Variants in LRRC4C observed in about 807,000 individuals in gnomAD.
The protein encoded by LRRC4C is leucine rich repeat containing 4C, also known as leucine-rich repeat-containing protein 4C.
A neutral mutation model predicts 33.6 loss-of-function variants in LRRC4C; 5 were observed. The observed-to-expected ratio is 0.15, with a 90% confidence interval of 0.08 to 0.31. The LOEUF is 0.31. Ranked by LOEUF, LRRC4C falls within the 10% of genes least tolerant of loss-of-function variation. The pLI is 1.00. For synonymous variants in LRRC4C, 329 were observed against 302.0 expected (o/e 1.09, Z -0.93); for missense variants, 560 against 796.7 (o/e 0.70, Z 3.58).
intron 2 of LRRC4C, among the ~76,000 whole-genome samples, chr11:40,661,323 G>C (rs1024174892): frequency 2.0e-5 from 3 of 151,994 alleles, no homozygotes; most frequent in African/African-American, 7.2e-5. Flanking sequence ...ATTGTATTTA[G>C]CTGTTCAAGT....
chr11:41,265,031 T>C (rs1379830020), intron 1 of LRRC4C, among the ~76,000 whole-genome samples: 1 of 152,182 alleles, frequency 6.6e-6, no homozygotes, highest in Non-Finnish European at 1.5e-5. Context: ...GACTCTGCTA[T>C]TGATTTGTAA....
intron 1 of LRRC4C, among the ~76,000 whole-genome samples, chr11:40,963,262 A>G (rs1003062079): frequency 2.0e-5 from 3 of 151,808 alleles, no homozygotes; most frequent in Admixed American, 2.0e-4. Context: ...CAATGCTATT[A>G]CAGCGAACAT....
chr11:40,144,841 G>A (rs567919991), intron 5 of LRRC4C, among the ~76,000 whole-genome samples: 11 of 152,282 alleles, frequency 7.2e-5, no homozygotes, highest in African/African-American at 2.4e-4. Context: ...TTAACACAAG[G>A]TAAACAGGAG....
chr11:40,668,965 G>C (rs537824325), intron 2 of LRRC4C, among the ~76,000 whole-genome samples: 6 of 152,274 alleles, frequency 3.9e-5, no homozygotes, highest in African/African-American at 1.4e-4. Context: ...TTGATCCTTG[G>C]TTTGATGTTC....
At chr11:41,014,101 T>C (rs1382573747) in intron 1 of LRRC4C, among the ~76,000 whole-genome samples, 3 of 152,126 alleles carry the variant, frequency 2.0e-5, no homozygotes, top group Non-Finnish European at 4.4e-5. Flanking sequence ...GCTTCATCTA[T>C]GCATGGTGGA....
chr11:41,381,614 A>C (rs1220774916), intron 1 of LRRC4C, among the ~76,000 whole-genome samples: 1 of 136,348 alleles, frequency 7.3e-6, no homozygotes, highest in Non-Finnish European at 1.6e-5. Context: ...GCAACAGAGC[A>C]AGACTCTGCT....
intron 1 of LRRC4C, among the ~76,000 whole-genome samples, chr11:41,125,206 A>T (rs1046717227): frequency 6.6e-5 from 10 of 152,202 alleles, no homozygotes; most frequent in Non-Finnish European, 8.8e-5. Flanking sequence ...TGACAACCAG[A>T]AAGACCAGAT....
At chr11:41,070,480 A>AT (rs1318694480) in intron 1 of LRRC4C, among the ~76,000 whole-genome samples, 1 of 152,198 alleles carries the variant, frequency 6.6e-6, no homozygotes, top group African/African-American at 2.4e-5. Context: ...ATGAAAAGGC[A>AT]ATCTACAGAA....
intron 1 of LRRC4C, among the ~76,000 whole-genome samples, chr11:41,021,829 T>C (rs1246289626): frequency 6.6e-6 from 1 of 152,030 alleles, no homozygotes; most frequent in East Asian, 1.9e-4. Flanking sequence ...GAAGGTGTCA[T>C]ATCGTCATTA....
intron 1 of LRRC4C, among the ~76,000 whole-genome samples, chr11:41,085,801 T>A (rs1939930768): frequency 6.6e-6 from 1 of 151,936 alleles, no homozygotes; most frequent in Non-Finnish European, 1.5e-5. Flanking sequence ...GACATGAAAT[T>A]GAGCAGGCAA....
intron 1 of LRRC4C, among the ~76,000 whole-genome samples, chr11:41,056,207 T>A (rs1483784710): frequency 6.6e-6 from 1 of 152,166 alleles, no homozygotes; most frequent in Non-Finnish European, 1.5e-5. Flanking sequence ...CAATGCCCAA[T>A]TCATTAAGTC....
At position 40,763,113 on chromosome 11, in the gene LRRC4C, ATG is replaced by A. The variant is rs1298415875; in HGVS notation, c.-406-114837_-406-114836del. 1.3e-3 allele frequency among the ~76,000 whole-genome samples: 188 copies of A among 146,908 alleles called. 1 individual carries two copies. Among genetic ancestry groups the A allele is most frequent in the African/African-American group, 4.3e-3 (173 of 40,520 alleles). On this transcript the variant is annotated intron_variant, in intron 2 of 6. Transcript: ENST00000528697. ...TATATGTATATATATATATTTATGT[ATG>A]TGTGTGTATACATATATATACACTT...
At chr11:41,161,783 A>G (rs187429223) in intron 1 of LRRC4C, among the ~76,000 whole-genome samples, 8 of 152,350 alleles carry the variant, frequency 5.3e-5, no homozygotes, top group Non-Finnish European at 4.4e-5. Flanking sequence ...ATGTGATTCT[A>G]CATGATCAAC....
At chr11:40,692,472 C>G (rs1447269564) in intron 2 of LRRC4C, among the ~76,000 whole-genome samples, 1 of 151,816 alleles carries the variant, frequency 6.6e-6, no homozygotes, top group Non-Finnish European at 1.5e-5. Context: ...GGGCACAGTT[C>G]AAAGAACTTA....
intron 2 of LRRC4C, among the ~76,000 whole-genome samples, chr11:40,880,870 T>C (rs1955142057): frequency 6.7e-6 from 1 of 149,316 alleles, no homozygotes; most frequent in African/African-American, 2.4e-5. Flanking sequence ...TGTGTATATA[T>C]ATATATATAT....
chr11:40,628,055 G>A (rs895012571), intron 3 of LRRC4C, among the ~76,000 whole-genome samples: 3 of 152,152 alleles, frequency 2.0e-5, no homozygotes, highest in Non-Finnish European at 4.4e-5. Context: ...TAGCTCTCTA[G>A]AATATGTAAG....
chr11:40,568,476 G>A (rs951792142), intron 3 of LRRC4C, among the ~76,000 whole-genome samples: 3 of 152,184 alleles, frequency 2.0e-5, no homozygotes, highest in Non-Finnish European at 4.4e-5. Flanking sequence ...TATTTATGGT[G>A]TTGTTGTTGT....
At chr11:40,939,592 AC>A (rs1170943585) in intron 1 of LRRC4C, among the ~76,000 whole-genome samples, 1 of 152,120 alleles carries the variant, frequency 6.6e-6, no homozygotes, top group Admixed American at 6.6e-5. Flanking sequence ...CAGAAACTAG[AC>A]ACTTTGTATA....
chr11:40,540,662 AT>A (rs962120685), intron 3 of LRRC4C, among the ~76,000 whole-genome samples: 1 of 152,152 alleles, frequency 6.6e-6, no homozygotes, highest in African/African-American at 2.4e-5. Context: ...GGAAAAAAAA[AT>A]ATCAAGTATA....
Sources: gnomAD v4.1 joint callset for allele counts (sites outside exome capture counted in the v4.1 genomes callset) on GRCh38, gnomAD v4.1.1 for gene constraint, MANE v1.5 for transcripts, NCBI Gene and HGNC (gene_info 2026-07-23, HGNC 2026-07-21) for gene names.